FAM193A: variants seen among roughly 807,000 people sequenced by gnomAD.
The protein encoded by FAM193A is protein FAM193A.
Under a neutral mutation model 126.5 loss-of-function variants are expected in FAM193A, and 22 were observed. The ratio of observed to expected loss-of-function variants is 0.17; its 90% CI spans 0.12 to 0.25. The LOEUF (loss-of-function observed/expected upper bound fraction) is 0.25, where lower values mean the gene tolerates loss of function less well. Ranked by LOEUF, FAM193A falls within the 10% of genes least tolerant of loss-of-function variation. The pLI, the probability that FAM193A is intolerant of heterozygous loss-of-function variation, is 1.00. For synonymous variants in FAM193A, 761 were observed against 646.8 expected (o/e 1.18, Z -2.68); for missense variants, 1,675 against 1,672.8 (o/e 1.00, Z -0.02).
At chr4:2,698,515 CAT>C (rs1467969246) in intron 18 of FAM193A, among the ~76,000 whole-genome samples, 1 of 152,180 alleles carries the variant, frequency 6.6e-6, no homozygotes, top group African/African-American at 2.4e-5. Context: ...TTTTTAATAA[CAT>C]ACCATTGTTA....
intron 1 of FAM193A, among the ~76,000 whole-genome samples, chr4:2,553,285 G>T (rs894499376): frequency 6.6e-6 from 1 of 152,048 alleles, no homozygotes; most frequent in African/African-American, 2.4e-5. Flanking sequence ...GCGATGATAG[G>T]ACCTGTGAAT....
chr4:2,693,898 C>T lies in FAM193A; in HGVS notation c.3092+24C>T, dbSNP rs202143476. 919 of 1,599,464 alleles carry T rather than the reference C, an allele frequency of 5.7e-4. 2 individuals are homozygous for T. The highest frequency in any genetic ancestry group is 6.9e-4 in the Admixed American group (41 of 59,150). The stretch of plus-strand genomic sequence containing the variant: ...AGGTGAGCCAAGTCCTGACTGGGGA[C>T]GTGGGAGCACTTTGGAAAATGGGTG... On this transcript the variant is annotated intron_variant, in intron 16 of 20. Coordinates refer to ENST00000637812, the MANE Select transcript of FAM193A (RefSeq NM_001366318.2).
rs1010096776 is a variant in FAM193A, at chr4:2,696,587, A to G, written c.3501A>G (p.Gln1167=). ...TRAAKRARHK[Q]RKLEEKARLE... The stretch of plus-strand genomic sequence containing the variant: ...CAGCGAAGCGAGCAAGGCATAAGCA[A>G]AGGAAGGCAAGTGACAGTTCTCAGC... Residue 1167 remains glutamine, a synonymous_variant, in exon 18 of 21, where the codon CAA becomes CAG. Coordinates refer to ENST00000637812, the MANE Select transcript of FAM193A (RefSeq NM_001366318.2). The G allele has an allele frequency of 6.2e-7, 1 of 1,613,568 alleles. No individual in the cohort carries two copies. The highest frequency in any genetic ancestry group is 1.3e-5 in the African/African-American group (1 of 74,920).
intron 20 of FAM193A, among the ~76,000 whole-genome samples, chr4:2,725,027 C>T (rs1422361729): frequency 6.6e-6 from 1 of 151,990 alleles, no homozygotes; most frequent in Admixed American, 6.6e-5. Flanking sequence ...CAGGCACCCA[C>T]CACCATGCCC....
intron 8 of FAM193A, among the ~76,000 whole-genome samples, chr4:2,658,085 G>A (rs1055520145): frequency 8.6e-5 from 13 of 152,002 alleles, no homozygotes; most frequent in Admixed American, 1.3e-4. Context: ...TTCCATATAC[G>A]CCTCAAGAAA....
At chr4:2,561,539 C>G (rs1738615331) in intron 1 of FAM193A, among the ~76,000 whole-genome samples, 1 of 150,164 alleles carries the variant, frequency 6.7e-6, no homozygotes, top group Non-Finnish European at 1.5e-5. Context: ...CTTTGTCGCC[C>G]AGGCTGGAGT....
chr4:2,606,641 T>C (rs1741566635), intron 2 of FAM193A, among the ~76,000 whole-genome samples: 3 of 152,218 alleles, frequency 2.0e-5, no homozygotes, highest in African/African-American at 7.2e-5. Flanking sequence ...ATCTTGCCCA[T>C]GCGTGGCTTG....
chr4:2,559,899 C>T (rs985591229), intron 1 of FAM193A, among the ~76,000 whole-genome samples: 14 of 152,090 alleles, frequency 9.2e-5, no homozygotes, highest in African/African-American at 3.1e-4. Context: ...CCTGCGTGGC[C>T]TGATCGGGCC....
intron 12 of FAM193A, among the ~76,000 whole-genome samples, chr4:2,664,727 C>T (rs1186976422): frequency 6.6e-6 from 1 of 151,962 alleles, no homozygotes; most frequent in Non-Finnish European, 1.5e-5. Flanking sequence ...CCACGCCCGG[C>T]TAATTTTTTG....
chr4:2,626,890 G>A (rs945484756), intron 4 of FAM193A, among the ~76,000 whole-genome samples: 3 of 152,178 alleles, frequency 2.0e-5, no homozygotes, highest in Non-Finnish European at 4.4e-5. Context: ...GGATGATGCA[G>A]AGTACTTTTA....
intron 7 of FAM193A, among the ~76,000 whole-genome samples, chr4:2,647,420 A>G (rs1745261314): frequency 1.3e-5 from 2 of 152,180 alleles, no homozygotes; most frequent in African/African-American, 4.8e-5. Context: ...TGTTGGGATT[A>G]CAGGAGTGAG....
At chr4:2,561,196 T>A (rs938196650) in intron 1 of FAM193A, among the ~76,000 whole-genome samples, 1 of 152,230 alleles carries the variant, frequency 6.6e-6, no homozygotes, top group Non-Finnish European at 1.5e-5. Flanking sequence ...CTTTTTTCTT[T>A]TTTGAACAGG....
At chr4:2,697,329 C>T (rs994163104) in intron 18 of FAM193A, among the ~76,000 whole-genome samples, 1 of 152,104 alleles carries the variant, frequency 6.6e-6, no homozygotes, top group African/African-American at 2.4e-5. Context: ...GCCCTCCAGC[C>T]TGGGTGACAG....
intron 1 of FAM193A, among the ~76,000 whole-genome samples, chr4:2,566,443 G>A (rs542467923): frequency 6.8e-4 from 104 of 152,228 alleles, no homozygotes; most frequent in African/African-American, 2.4e-3. Flanking sequence ...TAATCCCAAC[G>A]CTTTGTGAGG....
intron 1 of FAM193A, among the ~76,000 whole-genome samples, chr4:2,575,465 A>ATTTT (rs33996164): frequency 3.7e-5 from 5 of 135,348 alleles, no homozygotes; most frequent in African/African-American, 1.4e-4. Context: ...AGATACTGGG[A>ATTTT]TTTTTTTTTT....
At chr4:2,622,884 C>A (rs115371388) in intron 2 of FAM193A, among the ~76,000 whole-genome samples, 430 of 152,048 alleles carry the variant, frequency 2.8e-3, no homozygotes, top group African/African-American at 7.8e-3. Flanking sequence ...AACTTATGAA[C>A]GGGGGCGGGC....
chr4:2,594,582 G>C (rs968795776), intron 1 of FAM193A, among the ~76,000 whole-genome samples: 2 of 152,100 alleles, frequency 1.3e-5, no homozygotes, highest in African/African-American at 4.8e-5. Context: ...AAGGCCAGGC[G>C]AGGCTTCCCT....
intron 2 of FAM193A, among the ~76,000 whole-genome samples, chr4:2,616,134 T>C (rs544832716): frequency 1.3e-5 from 2 of 152,372 alleles, no homozygotes; most frequent in South Asian, 4.1e-4. Context: ...TTGGTATATT[T>C]ATTTCAATTT....
intron 13 of FAM193A, among the ~76,000 whole-genome samples, chr4:2,685,151 A>G (rs1334230853): frequency 6.6e-6 from 1 of 152,102 alleles, no homozygotes; most frequent in Non-Finnish European, 1.5e-5. Context: ...GCAGTGGAGC[A>G]TTTGCAGTGG....
Sources: gnomAD v4.1 joint callset for allele counts (sites outside exome capture counted in the v4.1 genomes callset) on GRCh38, gnomAD v4.1.1 for gene constraint, MANE v1.5 for transcripts, NCBI Gene and HGNC (gene_info 2026-07-23, HGNC 2026-07-21) for gene names.